MSH3: variants seen among roughly 807,000 people sequenced by gnomAD.
MSH3 encodes the protein DNA mismatch repair protein Msh3.
A neutral mutation model predicts 123.3 loss-of-function variants in MSH3; 106 were observed. The ratio of observed to expected loss-of-function variants is 0.86; its 90% confidence interval spans 0.73 to 1.01. The LOEUF (loss-of-function observed/expected upper bound fraction) is 1.01. Ranked by LOEUF, MSH3 falls within the 50% of genes least tolerant of loss-of-function variation. MSH3 has a pLI of 0.00. For synonymous variants in MSH3, 515 were observed against 481.4 expected (o/e 1.07, Z -0.91); for missense variants, 1,459 against 1,347.6 (o/e 1.08, Z -1.29).
intron 20 of MSH3, among the ~76,000 whole-genome samples, chr5:80,829,766 C>A (rs908661111): frequency 2.6e-5 from 4 of 152,148 alleles, no homozygotes; most frequent in African/African-American, 9.7e-5. Context: ...AGGAAGTATT[C>A]CCTCTGCTTC....
chr5:80,708,932 G>A (rs1255933915), intron 8 of MSH3, among the ~76,000 whole-genome samples: 1 of 151,856 alleles, frequency 6.6e-6, no homozygotes, highest in Non-Finnish European at 1.5e-5. Flanking sequence ...CCACTACCAT[G>A]TCTGGCTAAT....
intron 8 of MSH3, among the ~76,000 whole-genome samples, chr5:80,698,703 C>CA (rs947820188): frequency 7.6e-4 from 115 of 150,638 alleles, no homozygotes; most frequent in Admixed American, 7.0e-3. Flanking sequence ...GTCGCAAGGA[C>CA]AAAAAACCAA....
chr5:80,766,676 T>C (rs548597195), intron 13 of MSH3, among the ~76,000 whole-genome samples: 1 of 151,616 alleles, frequency 6.6e-6, no homozygotes, highest in Non-Finnish European at 1.5e-5. Context: ...CTCTTAACTG[T>C]CGTTTCAAGA....
intron 8 of MSH3, among the ~76,000 whole-genome samples, chr5:80,713,283 A>T (rs1750893383): frequency 6.6e-6 from 1 of 152,200 alleles, no homozygotes. Context: ...CCTTGTTTTA[A>T]TGTGGGCTCA....
Position 80,704,872 on chromosome 5 carries a change from T to C in MSH3, c.1341-20581T>C, listed in dbSNP as rs1482406603. On this transcript the variant is annotated intron_variant, in intron 8 of 23. Transcript: ENST00000265081. ...CTTGTCCCTCGCTTTGGGCTCCAGC[T>C]ACATCAGAGTAATTGCCATGCTCAC... Among the ~76,000 whole-genome samples the C allele has an allele frequency of 2.0e-5, 3 of 152,156 alleles. No homozygotes were observed. In the East Asian group the frequency reaches 5.8e-4, roughly 29 times the overall value.
intron 8 of MSH3, among the ~76,000 whole-genome samples, chr5:80,718,779 T>G (rs1751015885): frequency 6.6e-6 from 1 of 152,170 alleles, no homozygotes; most frequent in South Asian, 2.1e-4. Flanking sequence ...AAGTCTTGCT[T>G]TTTAAAGTAT....
rs188456631 is a variant in MSH3 at position 80,659,859 on chromosome 5, T to C, written c.358+3328T>C. ...CTCTATCATTTTGGCTACTCTATAA[T>C]GCATTCATTCCTTTTTATTTCCAGG... On this transcript the variant is annotated intron_variant, in intron 2 of 23. Transcript: ENST00000265081. Among the ~76,000 whole-genome samples, 303 of 152,332 alleles carry C rather than the reference T, an allele frequency of 2.0e-3. 2 individuals are homozygous for C. The highest frequency in any genetic ancestry group is 6.9e-3 in the African/African-American group (287 of 41,558).
At chr5:80,685,756 A>G (rs1416370498) in intron 8 of MSH3, among the ~76,000 whole-genome samples, 1 of 151,404 alleles carries the variant, frequency 6.6e-6, no homozygotes, top group African/African-American at 2.4e-5. Flanking sequence ...TATTTATTTG[A>G]AATGTTTCCT....
At chr5:80,756,731 G>GC (rs1345665634) in intron 12 of MSH3, among the ~76,000 whole-genome samples, 14 of 152,100 alleles carry the variant, frequency 9.2e-5, no homozygotes, top group Non-Finnish European at 1.3e-4. Flanking sequence ...GACTAGCAAA[G>GC]CTCTGTTAAC....
chr5:80,692,817 AT>A (rs1750340880), intron 8 of MSH3, among the ~76,000 whole-genome samples: 1 of 133,648 alleles, frequency 7.5e-6, no homozygotes, highest in East Asian at 2.3e-4. Context: ...GTTTAGATAA[AT>A]ATACATACAC....
intron 15 of MSH3, among the ~76,000 whole-genome samples, chr5:80,775,476 A>G (rs1020121442): frequency 2.0e-5 from 3 of 152,182 alleles, no homozygotes; most frequent in African/African-American, 7.2e-5. Context: ...AAGTATTACA[A>G]ATGTTTTATG....
intron 3 of MSH3, among the ~76,000 whole-genome samples, chr5:80,667,660 A>G (rs530165638): frequency 6.6e-6 from 1 of 152,324 alleles, no homozygotes; most frequent in South Asian, 2.1e-4. Context: ...CAGGGTGGGC[A>G]GCTCCAGGTG....
intron 3 of MSH3, among the ~76,000 whole-genome samples, chr5:80,667,745 C>T (rs1198119645): frequency 3.9e-5 from 6 of 152,184 alleles, no homozygotes; most frequent in Non-Finnish European, 5.9e-5. Context: ...ACAGTGGCGC[C>T]CAGAAGCTTG....
intron 21 of MSH3, among the ~76,000 whole-genome samples, chr5:80,855,120 G>C (rs984014503): frequency 1.3e-5 from 2 of 151,850 alleles, no homozygotes; most frequent in African/African-American, 4.8e-5. Context: ...TTCTATCCCT[G>C]TCATTTCCAT....
intron 7 of MSH3, among the ~76,000 whole-genome samples, chr5:80,678,064 T>G (rs1207818209): frequency 6.6e-6 from 1 of 152,220 alleles, no homozygotes; most frequent in Non-Finnish European, 1.5e-5. Flanking sequence ...GCCTTGCTGT[T>G]GTCAGAAGTG....
At chr5:80,850,018 C>A (rs975827893) in intron 20 of MSH3, among the ~76,000 whole-genome samples, 2 of 152,152 alleles carry the variant, frequency 1.3e-5, no homozygotes, top group African/African-American at 4.8e-5. Context: ...TTAGAAATTT[C>A]TTCTCCCAGA....
intron 4 of MSH3, among the ~76,000 whole-genome samples, chr5:80,671,174 G>A (rs1017333228): frequency 6.6e-6 from 1 of 152,026 alleles, no homozygotes; most frequent in East Asian, 1.9e-4. Context: ...TTTATTATAG[G>A]CCCTAGTCAA....
chr5:80,852,943 A>G (rs899252045), intron 20 of MSH3, among the ~76,000 whole-genome samples: 1 of 152,262 alleles, frequency 6.6e-6, no homozygotes, highest in Non-Finnish European at 1.5e-5. Flanking sequence ...AGTTACCAGC[A>G]TTCACAAAGC....
At chr5:80,697,768 C>T (rs1357529563) in intron 8 of MSH3, among the ~76,000 whole-genome samples, 1 of 152,058 alleles carries the variant, frequency 6.6e-6, no homozygotes, top group African/African-American at 2.4e-5. Context: ...CCAGAAAGGA[C>T]ATTTAAGCTC....
Sources: gnomAD v4.1 joint callset for allele counts (sites outside exome capture counted in the v4.1 genomes callset) on GRCh38, gnomAD v4.1.1 for gene constraint, MANE v1.5 for transcripts, NCBI Gene and HGNC (gene_info 2026-07-23, HGNC 2026-07-21) for gene names.